The following TRPC5 variants were observed in gnomAD, a reference collection of about 807,000 sequenced individuals.
The protein encoded by TRPC5 is short transient receptor potential channel 5.
TRPC5 carries 9 observed loss-of-function variants against 56.5 expected under a neutral mutation model. That is an observed-to-expected ratio of 0.16 (90% CI 0.10 to 0.28). The LOEUF (loss-of-function observed/expected upper bound fraction) is 0.28. Among genes scored for constraint, TRPC5 ranks in the 10% least tolerant of loss-of-function variants. TRPC5 has a pLI of 1.00. For synonymous variants in TRPC5, 282 were observed against 278.5 expected (o/e 1.01, Z -0.13); for missense variants, 469 against 748.9 (o/e 0.63, Z 4.36).
chrX:111,988,286 T>G (rs1352668428), intron 1 of TRPC5, among the ~76,000 whole-genome samples: 2 of 111,657 alleles, frequency 1.8e-5, no homozygotes, highest in Non-Finnish European at 3.8e-5. Context: ...AACAAGAACC[T>G]GCTGACACCT....
rs1410735076 is a variant in TRPC5 at position 111,952,063 on chromosome X, G to T, written c.358C>A (p.Arg120=). Reference sequence around the variant, plus strand: ...CTTACCTGCTTCTCTCCGCTGGGCCGCCTGTAGCTGAGCAGAAGCTCCACA... The same window carrying T: ...CTTACCTGCTTCTCTCCGCTGGGCCTCCTGTAGCTGAGCAGAAGCTCCACA... The part of the protein sequence containing the change: ...GAVELLLSYR[R]PSGEKQVPTL... The change falls in exon 2 of 11, where the codon CGG becomes AGG. Residue 120 remains arginine, a synonymous_variant. Coordinates refer to ENST00000262839, the MANE Select transcript of TRPC5 (RefSeq NM_012471.3). The T allele has an allele frequency of 4.1e-6, 5 of 1,209,213 alleles. No homozygotes were observed. The highest frequency in any genetic ancestry group is 3.0e-5 in the East Asian group (1 of 33,781).
At chrX:112,017,064 A>G (rs1569529615) in intron 1 of TRPC5, among the ~76,000 whole-genome samples, 1 of 111,739 alleles carries the variant, frequency 8.9e-6, no homozygotes, top group Non-Finnish European at 1.9e-5. Flanking sequence ...TCCAGGCTGC[A>G]GTGCAGTGGT....
At chrX:111,908,693 T>A (rs1203244247) in intron 3 of TRPC5, among the ~76,000 whole-genome samples, 1 of 112,173 alleles carries the variant, frequency 8.9e-6, no homozygotes, top group Non-Finnish European at 1.9e-5. Flanking sequence ...AAATTGTTGA[T>A]CTTTGCATAA....
intron 2 of TRPC5, among the ~76,000 whole-genome samples, chrX:111,950,264 G>A (rs1459982479): frequency 4.5e-5 from 5 of 110,192 alleles, no homozygotes; most frequent in Non-Finnish European, 7.6e-5. Context: ...GGTGGAGCTT[G>A]CAGTGAGCCG....
chrX:112,043,614 G>GAAA (rs1330741329), intron 1 of TRPC5, among the ~76,000 whole-genome samples: 1 of 104,993 alleles, frequency 9.5e-6, no homozygotes, highest in Non-Finnish European at 1.9e-5. Flanking sequence ...GTAACACACT[G>GAAA]CTGTTTGATA....
At position 111,895,222 on chromosome X, in the gene TRPC5, C is replaced by T. The variant is rs189875790; in HGVS notation, c.900+17069G>A. ...ATTGTCAGTCTTTTTCATTTTAGCT[C>T]TTCTGGTGGGTTTTGCATATCTCAT... On this transcript the variant is annotated intron_variant, in intron 3 of 10. Coordinates refer to ENST00000262839, the MANE Select transcript of TRPC5 (RefSeq NM_012471.3). 2.2e-4 allele frequency among the ~76,000 whole-genome samples: 25 copies of T among 111,474 alleles called. No individual in the cohort carries two copies. The Admixed American group carries it at 2.4e-3, about 11-fold the overall frequency.
intron 2 of TRPC5, among the ~76,000 whole-genome samples, chrX:111,947,399 C>T (rs921806303): frequency 3.6e-5 from 4 of 111,286 alleles, no homozygotes; most frequent in Non-Finnish European, 3.8e-5. Flanking sequence ...TATAGTGGTG[C>T]GATCTTGGCT....
At position 111,902,228 on chromosome X, in the gene TRPC5, C is replaced by CAA. The variant is rs1204937584; in HGVS notation, c.900+10062_900+10063insTT. On this transcript the variant is annotated intron_variant, in intron 3 of 10. Transcript: ENST00000262839. ...CGTCCCCAGGGATGTGAAAACTGAT[C>CAA]ATTTCTCTGTTTTAATATATTCTTA... 3.5e-6 allele frequency: 3 copies of CAA among 859,520 alleles called. No individual in the cohort carries two copies. The Admixed American group carries it at 1.2e-4, about 34-fold the overall frequency. The allele number at this position is 859,520 out of a possible 1,213,427, so 70.8% of individuals were successfully genotyped here. A position where few individuals can be genotyped will look rare whatever the true frequency, so the allele number is the denominator to read the frequency against.
At chrX:112,058,357 TAAC>T (rs1930386420) in intron 1 of TRPC5, among the ~76,000 whole-genome samples, 1 of 111,781 alleles carries the variant, frequency 8.9e-6, no homozygotes, top group East Asian at 2.8e-4. Flanking sequence ...ACTTGATAAA[TAAC>T]AAATTATTCT....
chrX:112,055,377 G>A (rs1930317964), intron 1 of TRPC5, among the ~76,000 whole-genome samples: 1 of 111,718 alleles, frequency 9.0e-6, no homozygotes, highest in Non-Finnish European at 1.9e-5. Flanking sequence ...CAGATTTGCT[G>A]CAAGTCTTTG....
At chrX:112,017,315 G>A (rs780975817) in intron 1 of TRPC5, among the ~76,000 whole-genome samples, 1 of 111,116 alleles carries the variant, frequency 9.0e-6, no homozygotes, top group African/African-American at 3.3e-5. Flanking sequence ...GCCCAGCCAC[G>A]ATTATTACTA....
chrX:111,822,015 T>C (rs1230650857), intron 7 of TRPC5, among the ~76,000 whole-genome samples: 1 of 111,791 alleles, frequency 8.9e-6, no homozygotes, highest in African/African-American at 3.3e-5. Context: ...TCTGATACTT[T>C]TGGAAATAAA....
intron 1 of TRPC5, among the ~76,000 whole-genome samples, chrX:112,004,874 C>A (rs1928792901): frequency 9.0e-6 from 1 of 111,010 alleles, no homozygotes; most frequent in Non-Finnish European, 1.9e-5. Context: ...GTTTCTTGAA[C>A]TTTACATTTC....
At chrX:111,849,294 C>G (rs960621083) in intron 5 of TRPC5, among the ~76,000 whole-genome samples, 2 of 112,352 alleles carry the variant, frequency 1.8e-5, no homozygotes, top group Admixed American at 1.9e-4. Context: ...AACATAGATA[C>G]TTTGCACCTT....
At chrX:111,973,299 T>C (rs975736844) in intron 1 of TRPC5, among the ~76,000 whole-genome samples, 3 of 111,813 alleles carry the variant, frequency 2.7e-5, no homozygotes, top group African/African-American at 9.8e-5. Context: ...CTATGTACCA[T>C]CCATAAAGGT....
In TRPC5 at chrX:111,952,225, T is replaced by C; in HGVS notation, c.196A>G (p.Met66Val). The change falls in exon 2 of 11, where the codon ATG becomes GTG. Residue 66 changes from methionine to valine, a missense_variant. Coordinates refer to ENST00000262839, the MANE Select transcript of TRPC5 (RefSeq NM_012471.3). ...AGGGCACTCCGGCCCAAGGGGTCCA[T>C]GCAGTTGATGTTAACATTATAGTAG... ...EIYYNVNINCMDPLGRSALLI... is the reference protein window; with the variant it reads ...EIYYNVNINCVDPLGRSALLI... The C allele has an allele frequency of 4.1e-6, 5 of 1,211,924 alleles. No homozygotes were observed. The highest frequency in any genetic ancestry group is 1.8e-5 in the South Asian group (1 of 56,973).
intron 6 of TRPC5, among the ~76,000 whole-genome samples, chrX:111,845,121 C>T (rs1603053647): frequency 9.1e-6 from 1 of 110,249 alleles, no homozygotes; most frequent in East Asian, 2.9e-4. Context: ...ACCTATAATC[C>T]CAGCTACTCA....
chrX:111,915,658 C>T lies in TRPC5; in HGVS notation c.379-2846G>A, dbSNP rs374650767. 1.5e-4 allele frequency among the ~76,000 whole-genome samples: 17 copies of T among 112,374 alleles called. No homozygotes were observed. In the East Asian group the frequency reaches 3.6e-3, roughly 24 times the overall value. On this transcript the variant is annotated intron_variant, in intron 2 of 10. Coordinates refer to ENST00000262839, the MANE Select transcript of TRPC5 (RefSeq NM_012471.3). ...CATTATTCTCAAATTACTTCACACA[C>T]GTACTTTTTGCCTCCTTGATAAGGT...
chrX:111,961,564 G>T (rs1927381637), intron 1 of TRPC5, among the ~76,000 whole-genome samples: 1 of 111,967 alleles, frequency 8.9e-6, no homozygotes, highest in East Asian at 2.8e-4. Flanking sequence ...GTCATGTCAG[G>T]TATACTACAA....
Sources: allele counts gnomAD v4.1 joint callset (sites outside exome capture counted in the v4.1 genomes callset), GRCh38; gene constraint gnomAD v4.1.1; transcripts MANE v1.5; gene names NCBI Gene and HGNC (gene_info 2026-07-23, HGNC 2026-07-21).